DRD2: variants seen among roughly 807,000 people sequenced by gnomAD.
DRD2 encodes the protein D(2) dopamine receptor.
DRD2 carries 8 observed loss-of-function variants against 38.0 expected under a neutral mutation model. That is an observed-to-expected ratio of 0.21 (90% CI 0.12 to 0.38). The LOEUF (loss-of-function observed/expected upper bound fraction) is 0.38, where lower values mean the gene tolerates loss of function less well. Among genes scored for constraint, DRD2 ranks in the 10% least tolerant of loss-of-function variants. DRD2 has a pLI of 1.00. For missense variants in DRD2, 403 were observed against 607.7 expected, an observed-to-expected ratio of 0.66 and a Z score of 3.54; for synonymous variants, 230 against 238.6, an observed-to-expected ratio of 0.96 and a Z score of 0.33.
intron 1 of DRD2, among the ~76,000 whole-genome samples, chr11:113,444,538 T>A (rs1565672119): frequency 6.6e-6 from 1 of 152,226 alleles, no homozygotes; most frequent in African/African-American, 2.4e-5. Context: ...TATCAGCTTT[T>A]TCTATCTATG....
Position 113,410,927 on chromosome 11 carries a change from G to T in DRD2, c.1139-7C>A. 6.2e-7 allele frequency: 1 copy of T among 1,607,330 alleles called. No individual in the cohort carries two copies. The highest frequency in any genetic ancestry group is 8.5e-7 in the Non-Finnish European group (1 of 1,175,106). On this transcript the variant is annotated splice_region_variant and splice_polypyrimidine_tract_variant and intron_variant, in intron 7 of 7. Coordinates refer to ENST00000362072, the MANE Select transcript of DRD2 (RefSeq NM_000795.4). ...CAGCAGATGATGAACACGCCTGGGG[G>T]AGAGGGCATGGTCAGGCTGGTCCCC...
chr11:113,461,862 G>T (rs774948071), intron 1 of DRD2, among the ~76,000 whole-genome samples: 15 of 152,146 alleles, frequency 9.9e-5, no homozygotes, highest in Admixed American at 2.6e-4. Flanking sequence ...AGTTTCTTAT[G>T]ACTATAAAAG....
At chr11:113,448,158 G>A (rs80215768) in intron 1 of DRD2, among the ~76,000 whole-genome samples, 9,464 of 152,260 alleles carry the variant, frequency 0.062, 331 homozygotes, top group East Asian at 0.14. Flanking sequence ...TGAGTCACCA[G>A]AGATAATGAG....
At chr11:113,473,481 A>C (rs1370156998) in intron 1 of DRD2, among the ~76,000 whole-genome samples, 1 of 152,190 alleles carries the variant, frequency 6.6e-6, no homozygotes, top group East Asian at 1.9e-4. Context: ...TTCTACAACA[A>C]ATCAGAACCT....
intron 1 of DRD2, among the ~76,000 whole-genome samples, chr11:113,438,975 T>C (rs539523955): frequency 6.6e-6 from 1 of 152,352 alleles, no homozygotes; most frequent in South Asian, 2.1e-4. Flanking sequence ...AATTTAATGA[T>C]GAGAGCTGTC....
At chr11:113,434,158 C>T (rs993282382) in intron 1 of DRD2, among the ~76,000 whole-genome samples, 4 of 152,236 alleles carry the variant, frequency 2.6e-5, no homozygotes, top group African/African-American at 4.8e-5. Context: ...GTGTGCTCCT[C>T]GGTGACACCC....
At chr11:113,422,898 C>G (rs1419807147) in intron 2 of DRD2, among the ~76,000 whole-genome samples, 1 of 152,160 alleles carries the variant, frequency 6.6e-6, no homozygotes, top group East Asian at 1.9e-4. Context: ...CAACCCCTTC[C>G]CTCTCAGGCA....
In DRD2 at chr11:113,460,114, C is replaced by T. The variant is rs146821833; in HGVS notation, c.-32+14962G>A. 1.2e-3 allele frequency among the ~76,000 whole-genome samples: 176 copies of T among 152,348 alleles called. 1 individual carries two copies. The highest frequency in any genetic ancestry group is 3.8e-3 in the African/African-American group (160 of 41,584). Reference sequence around the variant, plus strand: ...CTGTGTCTGGCAGACAGAAACTCAGCGGCTATGATTAGAGGCACTATCAAA... The same window carrying T: ...CTGTGTCTGGCAGACAGAAACTCAGTGGCTATGATTAGAGGCACTATCAAA... On this transcript the variant is annotated intron_variant, in intron 1 of 7. Coordinates refer to ENST00000362072, the MANE Select transcript of DRD2 (RefSeq NM_000795.4).
At position 113,410,581 on chromosome 11, in the gene DRD2, T is replaced by A. The variant is rs1950759181; in HGVS notation, c.*146A>T. On this transcript the variant is annotated 3_prime_UTR_variant, in exon 8 of 8. Coordinates refer to ENST00000362072, the MANE Select transcript of DRD2 (RefSeq NM_000795.4). ...GAGGGTGTGCGGGCAGTGAGGAGCA[T>A]GGAGCCAAGCGAACACTGCAGGGCC... The A allele has an allele frequency of 2.0e-6, 2 of 1,014,632 alleles. No homozygotes were observed. The highest frequency in any genetic ancestry group is 3.1e-5 in the African/African-American group (2 of 63,620). The allele number at this position is 1,014,632 out of a possible 1,614,324, so 62.9% of individuals were successfully genotyped here.
intron 2 of DRD2, among the ~76,000 whole-genome samples, chr11:113,422,623 T>A (rs1450075893): frequency 6.6e-6 from 1 of 152,226 alleles, no homozygotes; most frequent in Non-Finnish European, 1.5e-5. Context: ...TGTATTTGTG[T>A]TTCCTTTTGG....
intron 1 of DRD2, among the ~76,000 whole-genome samples, chr11:113,430,962 A>T (rs1244961858): frequency 1.3e-5 from 2 of 152,322 alleles, no homozygotes; most frequent in Middle Eastern, 3.4e-3. Context: ...TGAGACAAAT[A>T]AAGTGGCACA....
Position 113,410,581 on chromosome 11 carries a change from T to G in DRD2, c.*146A>C. ...GAGGGTGTGCGGGCAGTGAGGAGCA[T>G]GGAGCCAAGCGAACACTGCAGGGCC... is the stretch of plus-strand genomic sequence containing the variant. On this transcript the variant is annotated 3_prime_UTR_variant, in exon 8 of 8. Coordinates refer to ENST00000362072, the MANE Select transcript of DRD2 (RefSeq NM_000795.4). The G allele has an allele frequency of 9.9e-7, 1 of 1,014,750 alleles. No homozygotes were observed. Among genetic ancestry groups the G allele is most frequent in the Non-Finnish European group, 1.5e-6 (1 of 651,940 alleles). The allele number at this position is 1,014,750 out of a possible 1,614,324, so 62.9% of individuals were successfully genotyped here.
intron 1 of DRD2, among the ~76,000 whole-genome samples, chr11:113,433,005 A>T (rs1951003102): frequency 6.6e-6 from 1 of 152,188 alleles, no homozygotes; most frequent in Non-Finnish European, 1.5e-5. Flanking sequence ...GCGGCTGCAG[A>T]CCTTGGGTTG....
intron 1 of DRD2, chr11:113,424,935 T>C: frequency 2.0e-6 from 1 of 499,874 alleles, no homozygotes; most frequent in South Asian, 2.2e-5. Flanking sequence ...ACAGAGCTGA[T>C]CCATCATTTA....
chr11:113,420,971 A>G (rs1404721939), intron 2 of DRD2, among the ~76,000 whole-genome samples: 1 of 152,182 alleles, frequency 6.6e-6, no homozygotes, highest in Non-Finnish European at 1.5e-5. Context: ...GAGCTGGCTC[A>G]GCTAAGTCCT....
intron 1 of DRD2, among the ~76,000 whole-genome samples, chr11:113,441,736 G>A (rs1416553681): frequency 3.3e-5 from 5 of 152,302 alleles, no homozygotes; most frequent in South Asian, 4.1e-4. Flanking sequence ...TGTGATCCCA[G>A]TACTTCAGGA....
intron 1 of DRD2, among the ~76,000 whole-genome samples, chr11:113,435,667 C>A (rs907217419): frequency 6.7e-6 from 1 of 149,874 alleles, no homozygotes. Flanking sequence ...CTCAATTTGC[C>A]CCCACAAAGA....
At chr11:113,457,762 G>A (rs1951280915) in intron 1 of DRD2, among the ~76,000 whole-genome samples, 1 of 152,254 alleles carries the variant, frequency 6.6e-6, no homozygotes, top group Non-Finnish European at 1.5e-5. Flanking sequence ...GGCTGTCCGA[G>A]TGGCAGCTCT....
chr11:113,429,540 C>T lies in DRD2; in HGVS notation c.-31-4858G>A, dbSNP rs368771518. On this transcript the variant is annotated intron_variant, in intron 1 of 7. Transcript: ENST00000362072. ...GATTACAGGCGTGAGCCACCGCACC[C>T]GGCCAGTACAGGGCTATCTTTTAAC... 4.6e-5 allele frequency among the ~76,000 whole-genome samples: 7 copies of T among 152,082 alleles called. No individual in the cohort carries two copies. In the East Asian group the frequency reaches 7.7e-4, roughly 17 times the overall value.
Sources: allele counts gnomAD v4.1 joint callset (sites outside exome capture counted in the v4.1 genomes callset), GRCh38; gene constraint gnomAD v4.1.1; transcripts MANE v1.5; gene names NCBI Gene and HGNC (gene_info 2026-07-23, HGNC 2026-07-21).